Variants in TLN2 observed in about 807,000 individuals in gnomAD.
TLN2 encodes talin 2.
In TLN2, 118 loss-of-function variants were observed where a neutral mutation model predicts 294.7. The observed-to-expected ratio is 0.40, with a 90% CI of 0.34 to 0.47. TLN2 has a LOEUF of 0.47. Among genes scored for constraint, TLN2 ranks in the 20% least tolerant of loss-of-function variants. TLN2 has a pLI of 0.84. For synonymous variants in TLN2, 1,431 were observed against 1,304.5 expected, an observed-to-expected ratio of 1.10 and a Z score of -2.09; for missense variants, 3,083 against 3,282.2, an observed-to-expected ratio of 0.94 and a Z score of 1.48.
chr15:62,683,499 CCGCCTCT>C (rs1197707840), intron 11 of TLN2, among the ~76,000 whole-genome samples: 43 of 134,132 alleles, frequency 3.2e-4, no homozygotes, highest in African/African-American at 7.8e-4. Flanking sequence ...CTGCATTCTC[CCGCCTCT>C]CATTGGTAGA....
At chr15:62,799,194 A>G (rs1332525438) in intron 48 of TLN2, among the ~76,000 whole-genome samples, 1 of 151,968 alleles carries the variant, frequency 6.6e-6, no homozygotes, top group Non-Finnish European at 1.5e-5. Context: ...CTGAATCCCA[A>G]CTCTGCCACT....
intron 30 of TLN2, 47 bp from the exon 31 acceptor site, chr15:62,739,301 C>T: frequency 6.4e-7 from 1 of 1,570,318 alleles, no homozygotes; most frequent in Non-Finnish European, 8.7e-7. Context: ...TTATCCCTCC[C>T]CTGCAAAGCA....
intron 4 of TLN2, among the ~76,000 whole-genome samples, chr15:62,648,309 G>A (rs1313594525): frequency 6.7e-6 from 1 of 150,294 alleles, no homozygotes; most frequent in Non-Finnish European, 1.5e-5. Context: ...TAGTCTCAGG[G>A]CAGGAAAGTA....
At chr15:62,713,281 A>AC (rs982927898) in intron 22 of TLN2, among the ~76,000 whole-genome samples, 11 of 150,986 alleles carry the variant, frequency 7.3e-5, no homozygotes, top group South Asian at 2.1e-4. Flanking sequence ...CAAAAAAAAA[A>AC]AAAAAAAACA....
intron 1 of TLN2, among the ~76,000 whole-genome samples, chr15:62,565,912 G>C (rs778107769): frequency 6.8e-4 from 41 of 60,422 alleles, no homozygotes; most frequent in Non-Finnish European, 1.0e-3. Flanking sequence ...TTTACTAGCT[G>C]TGTGTGTGTG....
chr15:62,838,218 G>C (rs1345306961), intron 57 of TLN2: 1 of 152,280 alleles, frequency 6.6e-6, no homozygotes, highest in Non-Finnish European at 1.5e-5. Flanking sequence ...CAGAGGGGTA[G>C]CCCTTCATTC....
chr15:62,768,900 A>C (rs555016189), intron 41 of TLN2, among the ~76,000 whole-genome samples: 4 of 152,332 alleles, frequency 2.6e-5, no homozygotes, highest in African/African-American at 7.2e-5. Context: ...TGCTATTATT[A>C]ATCCCCATTT....
chr15:62,519,756 A>G (rs2040365150), intron 1 of TLN2, among the ~76,000 whole-genome samples: 1 of 152,228 alleles, frequency 6.6e-6, no homozygotes, highest in African/African-American at 2.4e-5. Context: ...TCAGTGAAAG[A>G]CATTTTCTAG....
rs1055967779 is a variant in TLN2, at chr15:62,663,226, T to C, written c.788+5328T>C. On this transcript the variant is annotated intron_variant, in intron 9 of 58. Transcript: ENST00000636159. Reference sequence around the variant, plus strand: ...GATTTTTTTTAAAAAGACTATATGATTGTCTTAATTACTGGAGAGAAAGAA... The same window carrying C: ...GATTTTTTTTAAAAAGACTATATGACTGTCTTAATTACTGGAGAGAAAGAA... 2.6e-5 allele frequency among the ~76,000 whole-genome samples: 4 copies of C among 152,180 alleles called. 1 individual carries two copies. The highest frequency in any genetic ancestry group is 7.2e-5 in the African/African-American group (3 of 41,444).
intron 28 of TLN2, among the ~76,000 whole-genome samples, chr15:62,727,582 G>T (rs2060507193): frequency 6.6e-6 from 1 of 152,206 alleles, no homozygotes; most frequent in African/African-American, 2.4e-5. Flanking sequence ...ATAGGTAGAG[G>T]CGAGTGAACA....
In TLN2 at chr15:62,713,929, A is replaced by ATATATATATATATATGC. The variant is rs368958929; in HGVS notation, c.2634+1853_2634+1854insATATATATATATATGCT. ...ATATATATATATGCTGTGTGTGTGT[A>ATATATATATATATATGC]TGTGTGTGTGTGTATGTATGTATTG... is the stretch of plus-strand genomic sequence containing the variant. On this transcript the variant is annotated intron_variant, in intron 22 of 58. Transcript: ENST00000636159. Among the ~76,000 whole-genome samples, 88 of 125,216 alleles carry ATATATATATATATATGC rather than the reference A, an allele frequency of 7.0e-4. 1 individual carries two copies. Among genetic ancestry groups the ATATATATATATATATGC allele is most frequent in the Non-Finnish European group, 1.1e-3 (63 of 55,792 alleles). 82.1% of individuals were successfully genotyped at this position (125,216 alleles called of 152,430 possible). A position where few individuals can be genotyped will look rare whatever the true frequency, so the allele number is the denominator to read the frequency against.
At chr15:62,781,032 G>A in intron 43 of TLN2, 108 bp from the exon 44 acceptor site, 1 of 788,174 alleles carries the variant, frequency 1.3e-6, no homozygotes, top group Non-Finnish European at 2.1e-6. Flanking sequence ...CTGGGCGAAA[G>A]AATCTCTGAG....
At chr15:62,593,723 A>G (rs572318956) in intron 2 of TLN2, among the ~76,000 whole-genome samples, 23 of 152,220 alleles carry the variant, frequency 1.5e-4, no homozygotes, top group African/African-American at 4.1e-4. Flanking sequence ...AAGCCATTCT[A>G]TTCTGTTTAC....
At chr15:62,411,208 T>C (rs548402961) in intron 1 of TLN2, among the ~76,000 whole-genome samples, 17 of 152,220 alleles carry the variant, frequency 1.1e-4, no homozygotes, top group Non-Finnish European at 2.5e-4. Flanking sequence ...AACATGCTGA[T>C]GTGGGAACCC....
chr15:62,673,322 T>TTTTTTTTTTTTTTTTTTTTA (rs1555465070), intron 9 of TLN2, among the ~76,000 whole-genome samples: 1 of 140,126 alleles, frequency 7.1e-6, no homozygotes, highest in African/African-American at 2.7e-5. Context: ...TTTTTTTTTT[T>TTTTTTTTTTTTTTTTTTTTA]TTTTTTGCAA....
At chr15:62,546,078 A>G (rs2041979016) in intron 1 of TLN2, among the ~76,000 whole-genome samples, 1 of 152,154 alleles carries the variant, frequency 6.6e-6, no homozygotes, top group Non-Finnish European at 1.5e-5. Context: ...GCTGTTTCTG[A>G]TTCTTGGGGG....
At chr15:62,745,941 C>T (rs370361349) in intron 32 of TLN2, among the ~76,000 whole-genome samples, 1 of 152,166 alleles carries the variant, frequency 6.6e-6, no homozygotes, top group Non-Finnish European at 1.5e-5. Context: ...CTTAGACACA[C>T]GATGCTGTGC....
At chr15:62,424,414 A>T (rs1000538261) in intron 1 of TLN2, among the ~76,000 whole-genome samples, 1 of 152,134 alleles carries the variant, frequency 6.6e-6, no homozygotes, top group Non-Finnish European at 1.5e-5. Context: ...CTTGAGTGAG[A>T]TCTGCAGTGG....
At chr15:62,768,619 C>T (rs2063165465) in intron 41 of TLN2, among the ~76,000 whole-genome samples, 1 of 152,184 alleles carries the variant, frequency 6.6e-6, no homozygotes. Context: ...TAGGAATGAA[C>T]GTTATGTACC....
Sources: allele counts gnomAD v4.1 joint callset (sites outside exome capture counted in the v4.1 genomes callset), GRCh38; gene constraint gnomAD v4.1.1; transcripts MANE v1.5; gene names NCBI Gene and HGNC (gene_info 2026-07-23, HGNC 2026-07-21).